ADCY1: variants seen among roughly 807,000 people sequenced by gnomAD.
ADCY1 encodes the protein adenylate cyclase 1.
Under a neutral mutation model 105.4 loss-of-function variants are expected in ADCY1, and 28 were observed. The ratio of observed to expected loss-of-function variants is 0.27; its 90% CI spans 0.20 to 0.36. The LOEUF (loss-of-function observed/expected upper bound fraction) is 0.36. ADCY1 is among the 10% of genes least tolerant of loss of function. ADCY1 has a pLI of 1.00. For synonymous variants in ADCY1, 655 were observed against 623.8 expected (o/e 1.05, Z -0.75); for missense variants, 977 against 1,434.2 (o/e 0.68, Z 5.15).
intron 4 of ADCY1, among the ~76,000 whole-genome samples, chr7:45,639,963 A>G (rs1397015488): frequency 6.6e-6 from 1 of 152,224 alleles, no homozygotes; most frequent in Non-Finnish European, 1.5e-5. Flanking sequence ...TGGGGACCCA[A>G]CACAGAGGAG....
chr7:45,713,544 G>C (rs1785306268), intron 19 of ADCY1, 149 bp from the exon 20 acceptor site: 1 of 613,530 alleles, frequency 1.6e-6, no homozygotes, highest in Admixed American at 2.8e-5. Context: ...GGCCCTGGCT[G>C]CCAGGCTGAG....
chr7:45,579,527 C>G (rs947634379), intron 1 of ADCY1, among the ~76,000 whole-genome samples: 1 of 152,180 alleles, frequency 6.6e-6, no homozygotes, highest in African/African-American at 2.4e-5. Context: ...ATCTTCGTGG[C>G]CTGCAGCCTG....
At chr7:45,664,394 A>G in intron 8 of ADCY1, 1 of 1,536,036 alleles carries the variant, frequency 6.5e-7, no homozygotes, top group Non-Finnish European at 8.7e-7. Flanking sequence ...CCTGCCCAAC[A>G]GCCACTGTCA....
chr7:45,593,053 G>T, intron 2 of ADCY1, 145 bp downstream of exon 2: 1 of 1,227,104 alleles, frequency 8.1e-7, no homozygotes. Flanking sequence ...AGGCTGTGGA[G>T]GAGATGCCCT....
At chr7:45,687,770 A>C (rs1562724491) in intron 14 of ADCY1, among the ~76,000 whole-genome samples, 1 of 152,218 alleles carries the variant, frequency 6.6e-6, no homozygotes, top group African/African-American at 2.4e-5. Context: ...TCGGGCAGCC[A>C]GAAGGTGGCT....
rs555100491 is a variant in ADCY1, at chr7:45,630,650, C to CCCAT, written c.1020+7909_1020+7910insATCC. 3.4e-4 allele frequency among the ~76,000 whole-genome samples: 51 copies of CCCAT among 152,054 alleles called. No individual in the cohort carries two copies. In the South Asian group the frequency reaches 5.8e-3, roughly 17 times the overall value. On this transcript the variant is annotated intron_variant, in intron 4 of 19. Transcript: ENST00000297323. ...GTTTTCTCTCACTCTCTGCCTTTTCCCCCTCCCTCCCTCTCTCTTTCCCTT... is the reference window on the plus strand; with the variant it reads ...GTTTTCTCTCACTCTCTGCCTTTTCCCCATCCCTCCCTCCCTCTCTCTTTCCCTT...
chr7:45,662,052 T>C lies in ADCY1; in HGVS notation c.1450-7T>C, dbSNP rs1391155796. On this transcript the variant is annotated splice_region_variant and splice_polypyrimidine_tract_variant and intron_variant, in intron 7 of 19. Coordinates refer to ENST00000297323, the MANE Select transcript of ADCY1 (RefSeq NM_021116.4). ...CATTTCTCCTTGCCCCTTGTGTGTT[T>C]GGACAGATATTTCCAGGCCTGATTC... 1.2e-6 allele frequency: 2 copies of C among 1,613,374 alleles called. No individual in the cohort carries two copies. Among genetic ancestry groups the C allele is most frequent in the Non-Finnish European group, 1.7e-6 (2 of 1,179,506 alleles).
intron 2 of ADCY1, among the ~76,000 whole-genome samples, chr7:45,595,222 A>C (rs1424650915): frequency 6.6e-6 from 1 of 152,188 alleles, no homozygotes; most frequent in Non-Finnish European, 1.5e-5. Context: ...ATAGCAGCCC[A>C]GGCCAACCAC....
Position 45,657,761 on chromosome 7 carries a change from A to G in ADCY1, c.1183A>G (p.Met395Val), listed in dbSNP as rs1794981972. ...TGAAGCCACCGAGGTGGATCTGAACATGCGTGTGGGTCTGCACACGGGCAG... is the reference window on the plus strand; with the variant it reads ...TGAAGCCACCGAGGTGGATCTGAACGTGCGTGTGGGTCTGCACACGGGCAG... ...VAEATEVDLN[M>V]RVGLHTGRVL... is the part of the protein sequence containing the mutation. The change falls in exon 6 of 20, where the codon ATG becomes GTG. Residue 395 changes from methionine to valine, a missense_variant. Coordinates refer to ENST00000297323, the MANE Select transcript of ADCY1 (RefSeq NM_021116.4). 2.5e-6 allele frequency: 4 copies of G among 1,613,934 alleles called. No individual in the cohort carries two copies. The highest frequency in any genetic ancestry group is 1.7e-5 in the Admixed American group (1 of 59,988).
chr7:45,623,997 G>A (rs1003193698), intron 4 of ADCY1, among the ~76,000 whole-genome samples: 1 of 152,182 alleles, frequency 6.6e-6, no homozygotes, highest in South Asian at 2.1e-4. Context: ...GGTCAGGGAG[G>A]GGCGCTGAGA....
intron 5 of ADCY1, among the ~76,000 whole-genome samples, chr7:45,651,828 T>A (rs1038373719): frequency 1.3e-5 from 2 of 152,246 alleles, no homozygotes; most frequent in Admixed American, 6.5e-5. Context: ...GCAGGTCAGA[T>A]GTGTCCCTTT....
intron 2 of ADCY1, among the ~76,000 whole-genome samples, chr7:45,596,626 G>T (rs766234211): frequency 6.6e-6 from 1 of 152,192 alleles, no homozygotes; most frequent in Non-Finnish European, 1.5e-5. Context: ...GGAATGCCGG[G>T]CACGTCCAGA....
At chr7:45,665,525 T>TTCTTC (rs1784216174) in intron 8 of ADCY1, among the ~76,000 whole-genome samples, 2 of 152,282 alleles carry the variant, frequency 1.3e-5, no homozygotes, top group Admixed American at 6.5e-5. Context: ...TATTGAGCGC[T>TTCTTC]TCTTTTGTTC....
chr7:45,721,523 A>G lies in ADCY1; in HGVS notation c.*7528A>G. 1 of 396,750 alleles carries G rather than the reference A, an allele frequency of 2.5e-6. No individual in the cohort carries two copies. 24.6% of individuals were successfully genotyped at this position (396,750 alleles called of 1,614,324 possible). A position where few individuals can be genotyped will look rare whatever the true frequency, so the allele number is the denominator to read the frequency against. ...ATGGTGGCACCTCCAGACACCCTGA[A>G]ACTACACACCATTTCTTCCCTGCTC... On this transcript the variant is annotated 3_prime_UTR_variant, in exon 20 of 20. Transcript: ENST00000297323.
intron 4 of ADCY1, among the ~76,000 whole-genome samples, chr7:45,631,320 A>G (rs965382560): frequency 3.3e-5 from 5 of 152,226 alleles, no homozygotes; most frequent in African/African-American, 1.2e-4. Context: ...AGAATTGTCA[A>G]ATAACGTTGT....
chr7:45,705,423 AAATT>A (rs1328009584), intron 17 of ADCY1, among the ~76,000 whole-genome samples: 6 of 152,346 alleles, frequency 3.9e-5, no homozygotes, highest in Admixed American at 3.3e-4. Flanking sequence ...TAGTATTCCA[AAATT>A]AATTCATGAA....
chr7:45,686,182 T>TCGTTCTGGAGCTCAGCGGATACAC lies in ADCY1; in HGVS notation c.2296_2319dup (p.Val766_Thr773dup), dbSNP rs1270319813. Reference sequence around the variant, plus strand: ...TCCGGGCTCACCACGTCCTACATCCTCGTTCTGGAGCTCAGCGGATACACC... The same window carrying TCGTTCTGGAGCTCAGCGGATACAC: ...TCCGGGCTCACCACGTCCTACATCCTCGTTCTGGAGCTCAGCGGATACACCGTTCTGGAGCTCAGCGGATACACC... On this transcript the variant is annotated inframe_insertion, in exon 13 of 20. Transcript: ENST00000297323. The surrounding 1 kb of genome is among the most constrained non-coding windows in gnomAD (Gnocchi z 4.3). 7 of 1,613,996 alleles carry TCGTTCTGGAGCTCAGCGGATACAC rather than the reference T, an allele frequency of 4.3e-6. No homozygotes were observed. The highest frequency in any genetic ancestry group is 3.3e-4 in the Middle Eastern group (2 of 6,084).
intron 14 of ADCY1, among the ~76,000 whole-genome samples, chr7:45,695,391 C>T (rs1318678220): frequency 6.6e-6 from 1 of 152,214 alleles, no homozygotes; most frequent in African/African-American, 2.4e-5. Context: ...AAGGTCAGAA[C>T]TGAAATCTGC....
At chr7:45,679,598 C>G in intron 10 of ADCY1, 111 bp from the exon 11 acceptor site, 1 of 1,037,184 alleles carries the variant, frequency 9.6e-7, no homozygotes, top group Non-Finnish European at 1.5e-6. Flanking sequence ...GATGCTGCTT[C>G]CTCCTGAGAG....
Sources: allele counts gnomAD v4.1 joint callset (sites outside exome capture counted in the v4.1 genomes callset), GRCh38; gene constraint gnomAD v4.1.1; non-coding constraint Gnocchi (gnomAD v3.1); transcripts MANE v1.5; gene names NCBI Gene and HGNC (gene_info 2026-07-23, HGNC 2026-07-21).